The following ACTR8 variants were observed in gnomAD, a reference collection of about 807,000 sequenced individuals.
ACTR8 encodes the protein actin-related protein 8.
Under a neutral mutation model 84.3 loss-of-function variants are expected in ACTR8, and 70 were observed. The observed-to-expected ratio is 0.83, with a 90% confidence interval of 0.68 to 1.01. The LOEUF (loss-of-function observed/expected upper bound fraction) is 1.01. ACTR8 is among the 50% of genes least tolerant of loss of function. The pLI, the probability that ACTR8 is intolerant of heterozygous loss-of-function variation, is 0.00. For synonymous variants in ACTR8, 268 were observed against 275.2 expected (o/e 0.97, Z 0.26); for missense variants, 672 against 775.4 (o/e 0.87, Z 1.58).
At position 53,878,454 on chromosome 3, in the gene ACTR8, T is replaced by C. The variant is rs2107072724; in HGVS notation, c.308A>G (p.Asn103Ser). 5.0e-6 allele frequency: 8 copies of C among 1,610,928 alleles called. No homozygotes were observed. The highest frequency in any genetic ancestry group is 6.8e-6 in the Non-Finnish European group (8 of 1,178,298). Residue 103 changes from asparagine (N) to serine (S), a missense_variant, in exon 3 of 13, where the codon AAT (asparagine) becomes AGT (serine). Physicochemically the swap from Asn to Ser is conservative, Grantham distance 46 (BLOSUM62 1). Transcript: ENST00000335754. Reference protein sequence around the residue: ...LREGLNKPESNEQRQNGLKMV... With the variant: ...LREGLNKPESSEQRQNGLKMV... ...TTTAAGGCCATTTTGTCTTTGTTCA[T>C]TACTTTCTGGTTTCTGGGGAAAAAA...
At position 53,878,475 on chromosome 3, in the gene ACTR8, A is replaced by G; in HGVS notation, c.295-8T>C. 1 of 1,565,200 alleles carries G rather than the reference A, an allele frequency of 6.4e-7. No individual in the cohort carries two copies. The highest frequency in any genetic ancestry group is 8.8e-7 in the Non-Finnish European group (1 of 1,138,152). ...TTCATTACTTTCTGGTTTCTGGGGAAAAAATGAAAGATGAGCAGTACAAAG... is the reference window on the plus strand; with the variant it reads ...TTCATTACTTTCTGGTTTCTGGGGAGAAAATGAAAGATGAGCAGTACAAAG... On this transcript the variant is annotated splice_region_variant and splice_polypyrimidine_tract_variant and intron_variant, in intron 2 of 12. Transcript: ENST00000335754.
At chr3:53,878,510 A>G (rs1167405506) in intron 2 of ACTR8, 43 bp from the exon 3 acceptor site, 1 of 1,192,934 alleles carries the variant, frequency 8.4e-7, no homozygotes, top group Non-Finnish European at 1.2e-6. Context: ...GGATTTAATG[A>G]GAAGACAAAG....
chr3:53,860,028 A>T, the ACTR8 span: 13 of 829,954 alleles, frequency 1.6e-5, no homozygotes, highest in African/African-American at 3.4e-5. Flanking sequence ...AAAATAATAA[A>T]AAATAAATAA....
chr3:53,864,343 T>A (rs917566822), downstream of ACTR8, among the ~76,000 whole-genome samples: 4 of 152,190 alleles, frequency 2.6e-5, no homozygotes, highest in South Asian at 8.3e-4. Flanking sequence ...GAGACCATCC[T>A]GGCTAACAGG....
intron 6 of ACTR8, 145 bp downstream of exon 6, chr3:53,876,475 C>T (rs1212253284): frequency 2.9e-5 from 17 of 593,636 alleles, no homozygotes; most frequent in Admixed American, 1.7e-4. Context: ...GCTGAGATAG[C>T]GCCACTGCAC....
intron 5 of ACTR8, among the ~76,000 whole-genome samples, 174 bp from the exon 6 acceptor site, chr3:53,876,887 C>G (rs1699982159): frequency 4.2e-5 from 1 of 23,970 alleles, no homozygotes; most frequent in South Asian, 2.7e-3. Flanking sequence ...AAAAAATGCT[C>G]AAGTGTTTTT....
the ACTR8 span, chr3:53,860,345 A>C: frequency 1.4e-6 from 1 of 718,174 alleles, no homozygotes; most frequent in Non-Finnish European, 2.4e-6. Flanking sequence ...GTTAGATAGC[A>C]TTTATGTAAT....
chr3:53,872,260 T>G (rs142435798), intron 10 of ACTR8, 124 bp downstream of exon 10: 2 of 1,121,022 alleles, frequency 1.8e-6, no homozygotes, highest in African/African-American at 3.2e-5. Context: ...CATCTACAAT[T>G]CTAAAAGCTA....
At chr3:53,862,086 G>A (rs541008502), downstream of ACTR8, among the ~76,000 whole-genome samples, 2 of 152,288 alleles carry the variant, frequency 1.3e-5, no homozygotes, top group East Asian at 3.9e-4. Context: ...TTCTGGATTG[G>A]TTCCACTGAT....
At chr3:53,864,124 A>G (rs917651576), downstream of ACTR8, among the ~76,000 whole-genome samples, 1 of 152,192 alleles carries the variant, frequency 6.6e-6, no homozygotes, top group Non-Finnish European at 1.5e-5. Flanking sequence ...CACCTGGCCA[A>G]CAAAGTATCT....
rs1700036481 is a variant in ACTR8, at chr3:53,880,092, G to A, written c.141C>T (p.Phe47=). The change falls in exon 2 of 13, where the codon TTC becomes TTT. Residue 47 remains phenylalanine, a synonymous_variant. Coordinates refer to ENST00000335754, the MANE Select transcript of ACTR8 (RefSeq NM_022899.5). ...TTGAACCTGGATGTATGACAATGAT[G>A]AAGTTGCTCTGGATTTGCTGCAGAT... ...ESLQEQIQSN[F]IIVIHPGSTT... The A allele has an allele frequency of 6.2e-7, 1 of 1,613,736 alleles. No individual in the cohort carries two copies. The highest frequency in any genetic ancestry group is 8.5e-7 in the Non-Finnish European group (1 of 1,179,802).
intron 11 of ACTR8, 76 bp downstream of exon 11, chr3:53,871,156 T>C: frequency 6.5e-7 from 1 of 1,542,440 alleles, no homozygotes; most frequent in Non-Finnish European, 8.8e-7. Flanking sequence ...TGCACAAGTA[T>C]ATCCTAGACT....
rs753127053 is a variant in ACTR8 at position 53,872,379 on chromosome 3, C to T, written c.1302+5G>A. On this transcript the variant is annotated splice_donor_5th_base_variant and intron_variant, in intron 10 of 12. Transcript: ENST00000335754. Reference sequence around the variant, plus strand: ...CTCTCTTCTCCTACCAGAATTGCTACGGACCTGTTCTTGTTTGCTCTGTGT... The same window carrying T: ...CTCTCTTCTCCTACCAGAATTGCTATGGACCTGTTCTTGTTTGCTCTGTGT... 5.7e-6 allele frequency: 9 copies of T among 1,577,278 alleles called. No homozygotes were observed. The highest frequency in any genetic ancestry group is 3.5e-5 in the South Asian group (3 of 84,742).
chr3:53,876,568 TAAAG>T (rs1289348035), intron 6 of ACTR8, 48 bp downstream of exon 6: 1 of 1,036,000 alleles, frequency 9.7e-7, no homozygotes, highest in Non-Finnish European at 1.5e-6. Context: ...ACTCTGTCAT[TAAAG>T]AAAGAAAATT....
chr3:53,871,574 C>A, intron 10 of ACTR8, 78 bp from the exon 11 acceptor site: 1 of 1,516,006 alleles, frequency 6.6e-7, no homozygotes, highest in Non-Finnish European at 9.0e-7. Context: ...TAGATCCCTC[C>A]CTACCCTACT....
Position 53,868,813 on chromosome 3 carries a change from C to T in ACTR8, c.1781G>A (p.Cys594Tyr). ...CCACAGTTCCTGTGTTGTATCCAAACAAGCCAACACTGCCCCTCCTTTCCA... is the reference window on the plus strand; with the variant it reads ...CCACAGTTCCTGTGTTGTATCCAAATAAGCCAACACTGCCCCTCCTTTCCA... Reference protein sequence around the residue: ...IAWKGGAVLACLDTTQELWIY... With the variant: ...IAWKGGAVLAYLDTTQELWIY... The change falls in exon 13 of 13, where the codon TGT becomes TAT. Residue 594 changes from cysteine to tyrosine, a missense_variant. By Grantham distance (194) the Cys-to-Tyr change is radical. Coordinates refer to ENST00000335754, the MANE Select transcript of ACTR8 (RefSeq NM_022899.5). 6.2e-7 allele frequency: 1 copy of T among 1,614,240 alleles called. No individual in the cohort carries two copies.
chr3:53,873,417 T>C (rs1464907702), intron 8 of ACTR8, among the ~76,000 whole-genome samples: 1 of 152,160 alleles, frequency 6.6e-6, no homozygotes, highest in Non-Finnish European at 1.5e-5. Flanking sequence ...AACTGGGAAA[T>C]TTACAGTATT....
chr3:53,860,258 T>C, the ACTR8 span: 2 of 1,536,382 alleles, frequency 1.3e-6, no homozygotes, highest in South Asian at 1.2e-5. Context: ...AAAGACATCC[T>C]AGTAAGGAAA....
intron 1 of ACTR8, among the ~76,000 whole-genome samples, chr3:53,881,226 T>A (rs1576869735): frequency 6.6e-6 from 1 of 152,358 alleles, no homozygotes; most frequent in East Asian, 1.9e-4. Flanking sequence ...GGAAGCTGGA[T>A]CAGAGATGTC....
Sources: allele counts gnomAD v4.1 joint callset (sites outside exome capture counted in the v4.1 genomes callset), GRCh38; gene constraint gnomAD v4.1.1; transcripts MANE v1.5; gene names NCBI Gene and HGNC (gene_info 2026-07-23, HGNC 2026-07-21).